Variants in SPAG16 observed in about 807,000 individuals in gnomAD.
SPAG16 encodes sperm associated antigen 16.
Under a neutral mutation model 80.4 loss-of-function variants are expected in SPAG16, and 86 were observed. That is an observed-to-expected ratio of 1.07 (90% CI 0.90 to 1.28). The LOEUF (loss-of-function observed/expected upper bound fraction) is 1.28. SPAG16 is among the 50% of genes most tolerant of loss of function. SPAG16 has a pLI of 0.00. For missense variants in SPAG16, 870 were observed against 765.3 expected, an observed-to-expected ratio of 1.14 and a Z score of -1.61; for synonymous variants, 294 against 265.9, an observed-to-expected ratio of 1.11 and a Z score of -1.03.
intron 9 of SPAG16, among the ~76,000 whole-genome samples, chr2:213,442,523 A>G (rs2071034260): frequency 6.6e-6 from 1 of 152,248 alleles, no homozygotes; most frequent in Non-Finnish European, 1.5e-5. Context: ...AAGACTTACT[A>G]TAAAATTACA....
chr2:213,612,688 AT>A (rs572647816), intron 10 of SPAG16, among the ~76,000 whole-genome samples: 1 of 151,888 alleles, frequency 6.6e-6, no homozygotes, highest in Non-Finnish European at 1.5e-5. Flanking sequence ...AATTAAAATA[AT>A]TTTTTTTGAG....
intron 15 of SPAG16, among the ~76,000 whole-genome samples, chr2:214,351,801 A>AACTT (rs1257832761): frequency 1.3e-5 from 2 of 150,542 alleles, no homozygotes; most frequent in African/African-American, 4.8e-5. Context: ...TAGATTTTTT[A>AACTT]ACTTCTACAA....
chr2:214,395,993 G>A (rs576918005), intron 15 of SPAG16, among the ~76,000 whole-genome samples: 45 of 152,206 alleles, frequency 3.0e-4, no homozygotes, highest in Middle Eastern at 3.4e-3. Context: ...ATGAACACAC[G>A]TGTGCATGTG....
chr2:213,393,248 T>C (rs1346130901), intron 9 of SPAG16, among the ~76,000 whole-genome samples: 1 of 151,938 alleles, frequency 6.6e-6, no homozygotes, highest in Non-Finnish European at 1.5e-5. Context: ...TTGGTCATTA[T>C]AAATACTTAC....
chr2:214,354,675 T>G (rs1473595927), intron 15 of SPAG16, among the ~76,000 whole-genome samples: 1 of 151,352 alleles, frequency 6.6e-6, no homozygotes, highest in South Asian at 2.1e-4. Context: ...TTTATTTCAT[T>G]GAGCAGTGGT....
In SPAG16 at chr2:213,473,066, T is replaced by C. The variant is rs2073174237; in HGVS notation, c.943-16897T>C. 2.0e-5 allele frequency among the ~76,000 whole-genome samples: 3 copies of C among 152,196 alleles called. 1 individual carries two copies. The highest frequency in any genetic ancestry group is 2.0e-4 in the Admixed American group (3 of 15,276). On this transcript the variant is annotated intron_variant, in intron 9 of 15. Transcript: ENST00000331683. Reference sequence around the variant, plus strand: ...CACTGAGGGGCCATGATTCTCTGTTTTTATAATTCAAATTCATCTTTTGTC... The same window carrying C: ...CACTGAGGGGCCATGATTCTCTGTTCTTATAATTCAAATTCATCTTTTGTC...
chr2:214,248,325 A>ATTG (rs1403642023), intron 15 of SPAG16, among the ~76,000 whole-genome samples: 5 of 124,988 alleles, frequency 4.0e-5, no homozygotes, highest in Non-Finnish European at 8.6e-5. Flanking sequence ...TATTATTATT[A>ATTG]TTATTATTAT....
At chr2:213,483,525 G>A (rs1394230131) in intron 9 of SPAG16, among the ~76,000 whole-genome samples, 2 of 152,170 alleles carry the variant, frequency 1.3e-5, no homozygotes. Flanking sequence ...CGAAAGATGG[G>A]TTGTTGAGCA....
intron 11 of SPAG16, among the ~76,000 whole-genome samples, chr2:213,913,192 A>G (rs1249090422): frequency 6.6e-6 from 1 of 152,022 alleles, no homozygotes; most frequent in African/African-American, 2.4e-5. Flanking sequence ...CATTTTATCC[A>G]CATTGTTATG....
chr2:214,289,455 A>G (rs1419349544), intron 15 of SPAG16, among the ~76,000 whole-genome samples: 1 of 152,206 alleles, frequency 6.6e-6, no homozygotes, highest in Non-Finnish European at 1.5e-5. Flanking sequence ...ACATATGTAC[A>G]TCTAATTTTC....
chr2:214,311,284 G>C (rs540531234), intron 15 of SPAG16, among the ~76,000 whole-genome samples: 1 of 152,160 alleles, frequency 6.6e-6, no homozygotes, highest in African/African-American at 2.4e-5. Context: ...GACCTCTGTA[G>C]TTGCCAAAGT....
chr2:213,539,127 G>A (rs2076344434), intron 10 of SPAG16, among the ~76,000 whole-genome samples: 1 of 152,180 alleles, frequency 6.6e-6, no homozygotes, highest in African/African-American at 2.4e-5. Context: ...TGAGTGATAT[G>A]TGATTGAATT....
At chr2:213,294,109 C>T (rs756357855) in intron 1 of SPAG16, among the ~76,000 whole-genome samples, 12 of 152,172 alleles carry the variant, frequency 7.9e-5, no homozygotes, top group Non-Finnish European at 1.2e-4. Context: ...ATTGGTAACT[C>T]CCCTTCTAAT....
chr2:213,462,388 T>C (rs915275519), intron 9 of SPAG16, among the ~76,000 whole-genome samples: 3 of 152,252 alleles, frequency 2.0e-5, no homozygotes, highest in African/African-American at 7.2e-5. Flanking sequence ...TGGCTTCCCA[T>C]TGTAAGCCTT....
rs113740291 is a variant in SPAG16, at chr2:213,553,397, G to A, written c.1070+63307G>A. ...GCTAGGAGTAAAGAAGAATGGTATA[G>A]GCTATCAGCATGGTTCATTGACAGG... On this transcript the variant is annotated intron_variant, in intron 10 of 15. Coordinates refer to ENST00000331683, the MANE Select transcript of SPAG16 (RefSeq NM_024532.5). Among the ~76,000 whole-genome samples, 120 of 152,226 alleles carry A rather than the reference G, an allele frequency of 7.9e-4. 2 individuals are homozygous for A. Among genetic ancestry groups the A allele is most frequent in the Middle Eastern group, 3.4e-3 (1 of 294 alleles).
Position 213,406,939 on chromosome 2 carries a change from A to T in SPAG16, c.942+31820A>T, listed in dbSNP as rs1424338146. ...CGAGCTCTCAGCGACGCGGATTTAA[A>T]AAAAAAAAAAAAAAAAAAGGGAAAA... is the stretch of plus-strand genomic sequence containing the variant. On this transcript the variant is annotated intron_variant, in intron 9 of 15. Transcript: ENST00000331683. Among the ~76,000 whole-genome samples the T allele has an allele frequency of 3.9e-3, 483 of 122,296 alleles. 7 individuals carry two copies. The highest frequency in any genetic ancestry group is 0.021 in the African/African-American group (453 of 22,074). The allele number at this position is 122,296 out of a possible 152,430, so 80.2% of individuals were successfully genotyped here.
At chr2:213,609,490 G>T (rs778411602) in intron 10 of SPAG16, among the ~76,000 whole-genome samples, 2 of 152,116 alleles carry the variant, frequency 1.3e-5, no homozygotes, top group Non-Finnish European at 2.9e-5. Flanking sequence ...TCTTCTGGAT[G>T]CTAAGTTGGT....
chr2:214,252,737 A>G (rs1195838394), intron 15 of SPAG16, among the ~76,000 whole-genome samples: 1 of 152,142 alleles, frequency 6.6e-6, no homozygotes, highest in Non-Finnish European at 1.5e-5. Context: ...GCTATTGTGA[A>G]TAGTGCCGCA....
chr2:213,785,360 GA>G (rs2070271832), intron 10 of SPAG16, among the ~76,000 whole-genome samples: 1 of 152,080 alleles, frequency 6.6e-6, no homozygotes, highest in Non-Finnish European at 1.5e-5. Flanking sequence ...AATTGAACAG[GA>G]TGATCTTAAA....
Sources: allele counts gnomAD v4.1 joint callset (sites outside exome capture counted in the v4.1 genomes callset), GRCh38; gene constraint gnomAD v4.1.1; transcripts MANE v1.5; gene names NCBI Gene and HGNC (gene_info 2026-07-23, HGNC 2026-07-21).